ATF7IP2: variants seen among roughly 807,000 people sequenced by gnomAD.
The protein encoded by ATF7IP2 is activating transcription factor 7 interacting protein 2, also known as activating transcription factor 7-interacting protein 2.
ATF7IP2 carries 42 observed loss-of-function variants against 64.2 expected under a neutral mutation model. That is an observed-to-expected ratio of 0.65 (90% CI 0.51 to 0.85). The LOEUF (loss-of-function observed/expected upper bound fraction) is 0.85, where lower values mean the gene tolerates loss of function less well. Ranked by LOEUF, ATF7IP2 falls within the 40% of genes least tolerant of loss-of-function variation. The probability of loss-of-function intolerance (pLI) is 0.00; values close to 1 mark genes in which losing one functional copy is unlikely to be tolerated. For synonymous variants in ATF7IP2, 308 were observed against 272.8 expected (o/e 1.13, Z -1.27); for missense variants, 933 against 784.2 (o/e 1.19, Z -2.27).
rs117687498 is a variant in ATF7IP2, at chr16:10,482,245, C to A, written c.2045C>A (p.Thr682Lys). 28 of 1,572,312 alleles carry A rather than the reference C, an allele frequency of 1.8e-5. No homozygotes were observed. Among genetic ancestry groups the A allele is most frequent in the South Asian group, 7.1e-5 (6 of 84,948 alleles). Residue 682 changes from threonine (T) to lysine (K), a missense_variant, in exon 14 of 14, where the codon ACG becomes AAG. Physicochemically the swap from Thr to Lys is moderately conservative, Grantham distance 78. Coordinates refer to ENST00000562102, the MANE Select transcript of ATF7IP2 (RefSeq NM_001393719.1). ...ATCCCTGGGTTTTCTGAAAATCTTA[C>A]GTAAAAGGTGTTTAATAATGATATA... ...KSIPGFSENL[T>K] is the part of the protein sequence containing the mutation.
rs1224604871 is a variant in ATF7IP2 at position 10,438,118 on chromosome 16, G to A, written c.978G>A (p.Gln326=). The change falls in exon 7 of 14, where the codon CAG becomes CAA. Residue 326 remains glutamine (Q), a synonymous_variant. Transcript: ENST00000562102. ...AATTCTAGGTCAGACATTTGATTCA[G>A]CAGGAGATCTATAGCATAAATTATG... ...AFLEQVRHLI[Q]QEIYSINYEL... The A allele has an allele frequency of 1.0e-5, 16 of 1,556,232 alleles. No homozygotes were observed. The highest frequency in any genetic ancestry group is 1.3e-5 in the Non-Finnish European group (15 of 1,155,762).
chr16:10,464,526 T>C (rs1331453272), intron 9 of ATF7IP2, among the ~76,000 whole-genome samples: 1 of 152,216 alleles, frequency 6.6e-6, no homozygotes, highest in African/African-American at 2.4e-5. Flanking sequence ...AGAAAGTTTA[T>C]GGCCCAAAAC....
intron 12 of ATF7IP2, among the ~76,000 whole-genome samples, chr16:10,474,875 A>G (rs2049945815): frequency 6.6e-6 from 1 of 152,214 alleles, no homozygotes; most frequent in Non-Finnish European, 1.5e-5. Flanking sequence ...AGGTTGGGGG[A>G]AAATAACTGT....
chr16:10,437,136 C>G (rs1023832735), intron 6 of ATF7IP2, among the ~76,000 whole-genome samples: 1 of 151,692 alleles, frequency 6.6e-6, no homozygotes, highest in African/African-American at 2.4e-5. Context: ...GTTCTCCTGT[C>G]TCAGCCTCCA....
At chr16:10,412,009 T>TTG (rs1555505714) in intron 1 of ATF7IP2, among the ~76,000 whole-genome samples, 1 of 95,804 alleles carries the variant, frequency 1.0e-5, no homozygotes, top group Non-Finnish European at 2.0e-5. Context: ...TATCTTTTTT[T>TTG]GTTTTTTTTT....
At chr16:10,462,121 A>C (rs1401019098) in intron 9 of ATF7IP2, among the ~76,000 whole-genome samples, 1 of 152,090 alleles carries the variant, frequency 6.6e-6, no homozygotes, top group African/African-American at 2.4e-5. Context: ...TTTACTCGGA[A>C]TAGTACTTCT....
chr16:10,390,544 A>G (rs2047301471), intron 1 of ATF7IP2, among the ~76,000 whole-genome samples: 1 of 152,190 alleles, frequency 6.6e-6, no homozygotes, highest in South Asian at 2.1e-4. Context: ...CCACTTTGTG[A>G]GGCCAAGGTA....
intron 9 of ATF7IP2, among the ~76,000 whole-genome samples, chr16:10,460,066 AAG>A (rs2049322852): frequency 6.6e-6 from 1 of 152,218 alleles, no homozygotes; most frequent in Non-Finnish European, 1.5e-5. Context: ...TAAAATTAAT[AAG>A]AGTAAAACAA....
At chr16:10,426,646 G>A (rs1266970628) in intron 3 of ATF7IP2, among the ~76,000 whole-genome samples, 1 of 152,104 alleles carries the variant, frequency 6.6e-6, no homozygotes, top group Non-Finnish European at 1.5e-5. Context: ...ATCAGTGAAA[G>A]GCTTCTTTAC....
intron 9 of ATF7IP2, among the ~76,000 whole-genome samples, chr16:10,467,028 T>C (rs1250701475): frequency 6.6e-6 from 1 of 152,124 alleles, no homozygotes; most frequent in African/African-American, 2.4e-5. Context: ...TATCTTGCCA[T>C]AAGACAAGGC....
In ATF7IP2 at chr16:10,388,027, C is replaced by T. The variant is rs142052538; in HGVS notation, c.-242+1905C>T. ...AAGTGATTCTCCTGCCTCAGCCTTG[C>T]AAGTAGCTGGGATTATAGGCGCCCG... is the stretch of plus-strand genomic sequence containing the variant. On this transcript the variant is annotated intron_variant, in intron 1 of 13. Coordinates refer to ENST00000562102, the MANE Select transcript of ATF7IP2 (RefSeq NM_001393719.1). Among the ~76,000 whole-genome samples the T allele has an allele frequency of 2.6e-3, 400 of 152,124 alleles. 1 individual carries two copies. The highest frequency in any genetic ancestry group is 8.5e-3 in the African/African-American group (353 of 41,512).
Position 10,472,160 on chromosome 16 carries a change from C to T in ATF7IP2, c.1403C>T (p.Thr468Ile). Residue 468 changes from threonine to isoleucine, a missense_variant, in exon 10 of 14, where the codon ACT becomes ATT. Physicochemically the swap from Thr to Ile is moderately conservative, Grantham distance 89. Transcript: ENST00000562102. ...TCTGTGGAAAGTCCTAATTTGACAA[C>T]TCCAATTACATCAAATCCAACAGGT... ...LISVESPNLT[T>I]PITSNPTDTR... 1.3e-6 allele frequency: 2 copies of T among 1,568,038 alleles called. No homozygotes were observed. The highest frequency in any genetic ancestry group is 2.3e-5 in the East Asian group (1 of 44,034).
rs142029638 is a variant in ATF7IP2 at position 10,452,828 on chromosome 16, C to T, written c.1195-4544C>T. 7.9e-4 allele frequency among the ~76,000 whole-genome samples: 120 copies of T among 152,246 alleles called. 1 individual carries two copies. In the East Asian group the frequency reaches 0.017, roughly 21 times the overall value. ...GGCAGTCTGGCCACAGTGGCCTTGC[C>T]GAGCTGCAGTGGGCTCGGCCCAGTT... On this transcript the variant is annotated intron_variant, in intron 8 of 13. Transcript: ENST00000562102.
At chr16:10,436,988 G>A (rs1596507749) in intron 6 of ATF7IP2, among the ~76,000 whole-genome samples, 2 of 150,926 alleles carry the variant, frequency 1.3e-5, no homozygotes, top group Admixed American at 6.6e-5. Context: ...AGATAACATT[G>A]GTAACTACAT....
chr16:10,403,555 A>C (rs1171457980), intron 1 of ATF7IP2, among the ~76,000 whole-genome samples: 1 of 152,204 alleles, frequency 6.6e-6, no homozygotes, highest in Non-Finnish European at 1.5e-5. Flanking sequence ...AGCATGAAAA[A>C]GTAAGGTATT....
At chr16:10,480,091 C>A (rs2142109279) in intron 12 of ATF7IP2, among the ~76,000 whole-genome samples, 1 of 147,036 alleles carries the variant, frequency 6.8e-6, no homozygotes, top group African/African-American at 2.5e-5. Flanking sequence ...CGGGTTTAAG[C>A]AATTCTCTGT....
intron 1 of ATF7IP2, among the ~76,000 whole-genome samples, chr16:10,408,002 C>A (rs2047678171): frequency 6.6e-6 from 1 of 151,964 alleles, no homozygotes; most frequent in South Asian, 2.1e-4. Flanking sequence ...ACCTCTGCCT[C>A]CTGGGTTCAA....
Position 10,473,522 on chromosome 16 carries a change from T to C in ATF7IP2, c.1470T>C (p.Asn490=), listed in dbSNP as rs921737703. Reference sequence around the variant, plus strand: ...CAGGAAATTCTAGCAATTCTCCCAATGCTGAAGTTATGGTGAGTAATAAAT... The same window carrying C: ...CAGGAAATTCTAGCAATTCTCCCAACGCTGAAGTTATGGTGAGTAATAAAT... ...ITSGNSSNSP[N]AEVMAVQKKL... is the part of the protein sequence containing the mutation. Residue 490 remains asparagine (N), a synonymous_variant, in exon 11 of 14, where the codon AAT becomes AAC. Transcript: ENST00000562102. 1 of 1,569,422 alleles carries C rather than the reference T, an allele frequency of 6.4e-7. No homozygotes were observed.
At chr16:10,424,054 A>G (rs1214691153) in intron 3 of ATF7IP2, among the ~76,000 whole-genome samples, 1 of 152,264 alleles carries the variant, frequency 6.6e-6, no homozygotes, top group African/African-American at 2.4e-5. Flanking sequence ...TATAGATTAT[A>G]GTTTAAATCG....
Sources: allele counts gnomAD v4.1 joint callset (sites outside exome capture counted in the v4.1 genomes callset), GRCh38; gene constraint gnomAD v4.1.1; transcripts MANE v1.5; gene names NCBI Gene and HGNC (gene_info 2026-07-23, HGNC 2026-07-21).